Variants in STON2 observed in about 807,000 individuals in gnomAD.
STON2 encodes stonin-2.
In STON2, 29 loss-of-function variants were observed where a neutral mutation model predicts 65.7. The observed-to-expected ratio is 0.44, with a 90% confidence interval of 0.33 to 0.60. The LOEUF (loss-of-function observed/expected upper bound fraction) is 0.60. STON2 is among the 20% of genes least tolerant of loss of function. The probability of loss-of-function intolerance (pLI) is 0.03; values close to 1 mark genes in which losing one functional copy is unlikely to be tolerated. For synonymous variants in STON2, 404 were observed against 414.2 expected (o/e 0.98, Z 0.30); for missense variants, 1,054 against 1,118.1 (o/e 0.94, Z 0.82).
In STON2 at chr14:81,265,934, TG is replaced by T; in HGVS notation, c.*2479del. ...GTGCTGGGATGAGCTTCATTTCCCT[TG>T]CCAACTCTCCAATCCATTTAGATGT... On this transcript the variant is annotated 3_prime_UTR_variant, in exon 8 of 8. Transcript: ENST00000614646. 2 of 985,376 alleles carry T rather than the reference TG, an allele frequency of 2.0e-6. No individual in the cohort carries two copies. The highest frequency in any genetic ancestry group is 2.4e-6 in the Non-Finnish European group (2 of 829,916). The allele number at this position is 985,376 out of a possible 1,614,324, so 61.0% of individuals were successfully genotyped here.
Position 81,268,062 on chromosome 14 carries a change from G to A in STON2, c.*352C>T. On this transcript the variant is annotated 3_prime_UTR_variant, in exon 8 of 8. Coordinates refer to ENST00000614646, the MANE Select transcript of STON2 (RefSeq NM_001394390.1). ...AGGCAATCGTGCTAACACTGATGTG[G>A]GAGGTTCTTTTCCTGACTGTAACAG... The A allele has an allele frequency of 1.0e-6, 1 of 994,882 alleles. No homozygotes were observed. Among genetic ancestry groups the A allele is most frequent in the Non-Finnish European group, 1.2e-6 (1 of 835,864 alleles). The allele number at this position is 994,882 out of a possible 1,614,324, so 61.6% of individuals were successfully genotyped here. A position where few individuals can be genotyped will look rare whatever the true frequency, so the allele number is the denominator to read the frequency against.
intron 5 of STON2, among the ~76,000 whole-genome samples, chr14:81,295,717 T>C (rs1895737693): frequency 6.6e-6 from 1 of 152,274 alleles, no homozygotes. Context: ...ATCTAAGGCA[T>C]TCACATATGA....
Position 81,277,197 on chromosome 14 carries a change from C to G in STON2, c.2285G>C (p.Ser762Thr), listed in dbSNP as rs146444864. Residue 762 changes from serine to threonine, a missense_variant, in exon 6 of 8, where the codon AGC becomes ACC. Transcript: ENST00000614646. ...GAAGCCAGTTGACATCCTCAGCCAG[C>G]TCTGCACCTCCACCTCTGCCCCATT... The part of the protein sequence containing the change: ...SVNGAEVEVQ[S>T]WLRMSTGFSA... The G allele has an allele frequency of 5.0e-5, 81 of 1,614,108 alleles. No homozygotes were observed. In the African/African-American group the frequency reaches 1.0e-3, roughly 20 times the overall value.
At chr14:81,392,325 C>A (rs1256113954) in intron 3 of STON2, among the ~76,000 whole-genome samples, 1 of 152,118 alleles carries the variant, frequency 6.6e-6, no homozygotes, top group Non-Finnish European at 1.5e-5. Context: ...CTGTGTGGAA[C>A]CTGGGATTTG....
chr14:81,369,589 A>T (rs924780573), intron 4 of STON2, among the ~76,000 whole-genome samples: 3 of 152,216 alleles, frequency 2.0e-5, no homozygotes, highest in African/African-American at 4.8e-5. Context: ...GTCAAGCATC[A>T]CATAAGTTAT....
chr14:81,401,578 C>T (rs1383927091), upstream of STON2, among the ~76,000 whole-genome samples: 1 of 152,176 alleles, frequency 6.6e-6, no homozygotes, highest in Non-Finnish European at 1.5e-5. Flanking sequence ...TAAGTTCATA[C>T]TGGAATTAGT....
intron 5 of STON2, among the ~76,000 whole-genome samples, chr14:81,302,630 T>G (rs55923946): frequency 0.42 from 63,716 of 152,134 alleles, 15,523 homozygotes; most frequent in Non-Finnish European, 0.54. Flanking sequence ...GTTGATTGCA[T>G]GACAAACTGA....
intron 2 of STON2, among the ~76,000 whole-genome samples, chr14:81,423,300 C>CT (rs977381623): frequency 1.2e-4 from 18 of 152,276 alleles, no homozygotes; most frequent in African/African-American, 4.3e-4. Flanking sequence ...CTCTGAATCT[C>CT]TTTGAGTTAT....
At chr14:81,405,693 G>A (rs1354255494) in intron 2 of STON2, among the ~76,000 whole-genome samples, 1 of 151,944 alleles carries the variant, frequency 6.6e-6, no homozygotes, top group East Asian at 1.9e-4. Flanking sequence ...GGATTAATTT[G>A]TTTCCCATGG....
intron 4 of STON2, among the ~76,000 whole-genome samples, chr14:81,354,740 T>G (rs1898156671): frequency 6.6e-6 from 1 of 152,126 alleles, no homozygotes; most frequent in South Asian, 2.1e-4. Context: ...CAACAGAGGC[T>G]GGGCACGGTG....
intron 5 of STON2, among the ~76,000 whole-genome samples, chr14:81,299,535 G>A (rs533170321): frequency 6.6e-6 from 1 of 152,326 alleles, no homozygotes; most frequent in African/African-American, 2.4e-5. Context: ...GAGCCCTGTG[G>A]CTAACTTATG....
intron 5 of STON2, among the ~76,000 whole-genome samples, chr14:81,309,238 G>T (rs938551571): frequency 2.6e-5 from 4 of 151,872 alleles, no homozygotes; most frequent in African/African-American, 9.7e-5. Flanking sequence ...CTACTTGACA[G>T]GTAACAGTTA....
chr14:81,344,852 T>C (rs1334250718), intron 4 of STON2, among the ~76,000 whole-genome samples: 1 of 152,226 alleles, frequency 6.6e-6, no homozygotes, highest in African/African-American at 2.4e-5. Flanking sequence ...TCATATCCTT[T>C]CTTTGCAGTT....
At chr14:81,270,124 G>C in intron 7 of STON2, 1 of 829,144 alleles carries the variant, frequency 1.2e-6, no homozygotes, top group Non-Finnish European at 1.5e-6. Flanking sequence ...GTCTCGCTCT[G>C]TCACTCAGGC....
intron 4 of STON2, among the ~76,000 whole-genome samples, chr14:81,370,057 C>T (rs1287540351): frequency 6.6e-6 from 1 of 152,190 alleles, no homozygotes; most frequent in Non-Finnish European, 1.5e-5. Context: ...TTATCAAATA[C>T]CAAACCAAAT....
chr14:81,416,778 T>C (rs771567230), intron 2 of STON2, among the ~76,000 whole-genome samples: 2 of 152,156 alleles, frequency 1.3e-5, no homozygotes, highest in Admixed American at 6.5e-5. Flanking sequence ...GAAAACCATA[T>C]CGAAGGGAGT....
chr14:81,329,625 T>A (rs533866911), intron 4 of STON2, among the ~76,000 whole-genome samples: 10 of 152,036 alleles, frequency 6.6e-5, no homozygotes, highest in African/African-American at 2.2e-4. Context: ...TCCAAGACTG[T>A]GAGAGAATAC....
chr14:81,273,297 A>G (rs181292743), intron 6 of STON2, among the ~76,000 whole-genome samples: 1 of 152,328 alleles, frequency 6.6e-6, no homozygotes, highest in Admixed American at 6.5e-5. Context: ...ATTCATAGTA[A>G]TGCATTAAAT....
intron 5 of STON2, among the ~76,000 whole-genome samples, chr14:81,309,912 T>C (rs1372071431): frequency 6.6e-6 from 1 of 152,196 alleles, no homozygotes; most frequent in Non-Finnish European, 1.5e-5. Context: ...CAAACAGTTT[T>C]ATGTTCATGG....
Sources: allele counts gnomAD v4.1 joint callset (sites outside exome capture counted in the v4.1 genomes callset), GRCh38; gene constraint gnomAD v4.1.1; transcripts MANE v1.5; gene names NCBI Gene and HGNC (gene_info 2026-07-23, HGNC 2026-07-21).